Variants in MAN1A1 observed in about 807,000 individuals in gnomAD.
MAN1A1 encodes the protein mannosidase alpha class 1A member 1, also known as mannosyl-oligosaccharide 1,2-alpha-mannosidase IA.
In MAN1A1, 29 loss-of-function variants were observed where a neutral mutation model predicts 70.8. The observed-to-expected ratio is 0.41, with a 90% CI of 0.31 to 0.56. MAN1A1 has a LOEUF of 0.56. MAN1A1 is among the 20% of genes least tolerant of loss of function. MAN1A1 has a pLI of 0.29. For missense variants in MAN1A1, 747 were observed against 841.3 expected, an observed-to-expected ratio of 0.89 and a Z score of 1.39; for synonymous variants, 349 against 330.1, an observed-to-expected ratio of 1.06 and a Z score of -0.62.
chr6:119,207,583 T>C (rs1268484023), intron 6 of MAN1A1, among the ~76,000 whole-genome samples: 1 of 152,236 alleles, frequency 6.6e-6, no homozygotes, highest in African/African-American at 2.4e-5. Flanking sequence ...GGCTGCCTCC[T>C]GTCTTGCATA....
intron 6 of MAN1A1, among the ~76,000 whole-genome samples, chr6:119,227,503 T>C (rs1035212613): frequency 2.6e-5 from 4 of 152,232 alleles, no homozygotes; most frequent in Non-Finnish European, 2.9e-5. Flanking sequence ...TTTTGAGACA[T>C]GGTCTCAGTC....
chr6:119,249,727 C>A (rs1461303296), intron 5 of MAN1A1, among the ~76,000 whole-genome samples: 1 of 152,174 alleles, frequency 6.6e-6, no homozygotes, highest in African/African-American at 2.4e-5. Flanking sequence ...GACATCCAGG[C>A]ACTTGGGCTC....
chr6:119,280,147 A>G (rs938741336), intron 5 of MAN1A1, among the ~76,000 whole-genome samples: 2 of 152,190 alleles, frequency 1.3e-5, no homozygotes, highest in African/African-American at 2.4e-5. Flanking sequence ...GCCCTGGACA[A>G]TCTTACTCCT....
At chr6:119,271,832 T>G (rs1190410737) in intron 5 of MAN1A1, among the ~76,000 whole-genome samples, 1 of 152,064 alleles carries the variant, frequency 6.6e-6, no homozygotes, top group South Asian at 2.1e-4. Flanking sequence ...GATTTACCTA[T>G]AGGCTCAAAA....
intron 2 of MAN1A1, among the ~76,000 whole-genome samples, chr6:119,309,099 G>T (rs767692305): frequency 3.9e-5 from 6 of 152,150 alleles, no homozygotes; most frequent in Non-Finnish European, 8.8e-5. Flanking sequence ...TAGAAAAGAC[G>T]AAAATGATGT....
chr6:119,326,907 T>C (rs1167364737), intron 2 of MAN1A1, among the ~76,000 whole-genome samples: 5 of 152,180 alleles, frequency 3.3e-5, no homozygotes, highest in Non-Finnish European at 7.4e-5. Flanking sequence ...CCACTGACTG[T>C]TGAGTAGCTC....
In MAN1A1 at chr6:119,238,913, C is replaced by T. The variant is rs367937168; in HGVS notation, c.992+9347G>A. Among the ~76,000 whole-genome samples, 84 of 151,898 alleles carry T rather than the reference C, an allele frequency of 5.5e-4. 2 individuals carry two copies. The South Asian group carries it at 0.013, about 24-fold the overall frequency. On this transcript the variant is annotated intron_variant, in intron 6 of 12. Transcript: ENST00000368468. Reference sequence around the variant, plus strand: ...ATTATTATTATTATTATTTTTGAGACGGAGTGTTGTTCTGTCGCCCAGGCT... The same window carrying T: ...ATTATTATTATTATTATTTTTGAGATGGAGTGTTGTTCTGTCGCCCAGGCT...
At chr6:119,315,041 T>C (rs1772812862) in intron 2 of MAN1A1, among the ~76,000 whole-genome samples, 1 of 152,226 alleles carries the variant, frequency 6.6e-6, no homozygotes. Flanking sequence ...GGAGCTAATG[T>C]GGACCAGCTT....
intron 2 of MAN1A1, chr6:119,327,311 G>A (rs1043280818): frequency 6.6e-6 from 1 of 151,666 alleles, no homozygotes; most frequent in African/African-American, 2.4e-5. Flanking sequence ...TATGAACACT[G>A]GAACAACACA....
At chr6:119,271,412 T>C (rs770496296) in intron 5 of MAN1A1, among the ~76,000 whole-genome samples, 13 of 152,178 alleles carry the variant, frequency 8.5e-5, no homozygotes, top group Non-Finnish European at 1.9e-4. Flanking sequence ...TTCTAGATTC[T>C]AAAGGTAATG....
chr6:119,300,521 TG>T (rs1027547184), intron 4 of MAN1A1, among the ~76,000 whole-genome samples: 31 of 152,130 alleles, frequency 2.0e-4, no homozygotes, highest in Admixed American at 1.6e-3. Context: ...CCCAAAGTGC[TG>T]GGATTACAGG....
chr6:119,263,720 A>G (rs1775675150), intron 5 of MAN1A1, among the ~76,000 whole-genome samples: 1 of 152,218 alleles, frequency 6.6e-6, no homozygotes, highest in African/African-American at 2.4e-5. Flanking sequence ...AATATAATAC[A>G]GGAAAAAACA....
chr6:119,202,462 G>C (rs982319029), intron 7 of MAN1A1, among the ~76,000 whole-genome samples: 1 of 151,862 alleles, frequency 6.6e-6, no homozygotes, highest in Non-Finnish European at 1.5e-5. Context: ...CTTGCTTCTA[G>C]AGCTAACTTA....
chr6:119,222,823 C>T (rs1261521398), intron 6 of MAN1A1, among the ~76,000 whole-genome samples: 1 of 152,136 alleles, frequency 6.6e-6, no homozygotes, highest in Non-Finnish European at 1.5e-5. Flanking sequence ...AAAAATCCAG[C>T]TTCTCTGGTG....
chr6:119,249,805 TA>T lies in MAN1A1; in HGVS notation c.898-1452del, dbSNP rs1193169595. On this transcript the variant is annotated intron_variant, in intron 5 of 12. Transcript: ENST00000368468. Reference sequence around the variant, plus strand: ...TCCCAAGCCCTATCTTTTGGAATCTTAAAAAAAAATTTTTTTTAAATTTAAA... The same window carrying T: ...TCCCAAGCCCTATCTTTTGGAATCTTAAAAAAAATTTTTTTTAAATTTAAA... 4.6e-5 allele frequency among the ~76,000 whole-genome samples: 7 copies of T among 151,832 alleles called. No homozygotes were observed. The South Asian group carries it at 1.0e-3, about 23-fold the overall frequency.
intron 2 of MAN1A1, among the ~76,000 whole-genome samples, chr6:119,325,623 C>T (rs1010897613): frequency 4.6e-5 from 7 of 152,140 alleles, no homozygotes; most frequent in Admixed American, 3.3e-4. Context: ...CACCACTGCA[C>T]CCCAACGTGA....
At chr6:119,336,764 A>C (rs1183008576) in intron 2 of MAN1A1, among the ~76,000 whole-genome samples, 4 of 152,218 alleles carry the variant, frequency 2.6e-5, no homozygotes, top group Non-Finnish European at 5.9e-5. Context: ...TACTGTAAGC[A>C]TTACTCATTA....
chr6:119,207,504 G>A (rs186400342), intron 6 of MAN1A1, among the ~76,000 whole-genome samples: 7 of 152,262 alleles, frequency 4.6e-5, no homozygotes, highest in Admixed American at 1.3e-4. Flanking sequence ...ATTAGATGAG[G>A]ACATGGGGCA....
At chr6:119,311,000 A>G (rs1304748906) in intron 2 of MAN1A1, among the ~76,000 whole-genome samples, 1 of 152,226 alleles carries the variant, frequency 6.6e-6, no homozygotes, top group Non-Finnish European at 1.5e-5. Context: ...GCGAACGCAT[A>G]TGAGAAACTG....
Sources: allele counts gnomAD v4.1 joint callset (sites outside exome capture counted in the v4.1 genomes callset), GRCh38; gene constraint gnomAD v4.1.1; transcripts MANE v1.5; gene names NCBI Gene and HGNC (gene_info 2026-07-23, HGNC 2026-07-21).